Variants in PDZD8 observed in about 807,000 individuals in gnomAD.
PDZD8 encodes the protein PDZ domain-containing protein 8.
PDZD8 carries 14 observed loss-of-function variants against 85.8 expected under a neutral mutation model. The ratio of observed to expected loss-of-function variants is 0.16; its 90% CI spans 0.11 to 0.26. The LOEUF (loss-of-function observed/expected upper bound fraction) is 0.26. Ranked by LOEUF, PDZD8 falls within the 10% of genes least tolerant of loss-of-function variation. The pLI is 1.00. For missense variants in PDZD8, 1,197 were observed against 1,424.3 expected (o/e 0.84, Z 2.57); for synonymous variants, 592 against 568.6 (o/e 1.04, Z -0.59).
At chr10:117,291,708 T>C (rs1321311601) in intron 3 of PDZD8, among the ~76,000 whole-genome samples, 1 of 151,878 alleles carries the variant, frequency 6.6e-6, no homozygotes, top group Non-Finnish European at 1.5e-5. Flanking sequence ...ACATTGTTAA[T>C]GAGATGTCCT....
At chr10:117,358,258 G>C (rs188538393) in intron 1 of PDZD8, among the ~76,000 whole-genome samples, 1 of 152,106 alleles carries the variant, frequency 6.6e-6, no homozygotes, top group Admixed American at 6.5e-5. Flanking sequence ...ATTTATAAGT[G>C]AAATATCACT....
chr10:117,355,390 T>C (rs1477764238), intron 1 of PDZD8, among the ~76,000 whole-genome samples: 1 of 152,210 alleles, frequency 6.6e-6, no homozygotes, highest in Non-Finnish European at 1.5e-5. Context: ...CCATACTATT[T>C]ATGTATCTGT....
rs71013659 is a variant in PDZD8, at chr10:117,325,404, C to CTTTTTTTTTTTTTTTT, written c.996-6446_996-6431dup. 2.0e-4 allele frequency among the ~76,000 whole-genome samples: 20 copies of CTTTTTTTTTTTTTTTT among 99,842 alleles called. 3 individuals are homozygous for CTTTTTTTTTTTTTTTT. The highest frequency in any genetic ancestry group is 2.8e-4 in the East Asian group (1 of 3,552). 65.5% of individuals were successfully genotyped at this position (99,842 alleles called of 152,430 possible). A position where few individuals can be genotyped will look rare whatever the true frequency, so the allele number is the denominator to read the frequency against. ...CTATCAAAAGTTCCAGAAAAGCCAA[C>CTTTTTTTTTTTTTTTT]TTTTTTTTTTTTTTTTGAGACAGAG... On this transcript the variant is annotated intron_variant, in intron 2 of 4. Transcript: ENST00000334464.
intron 3 of PDZD8, among the ~76,000 whole-genome samples, chr10:117,300,319 C>CATT (rs1254929498): frequency 4.6e-5 from 7 of 152,082 alleles, no homozygotes; most frequent in Non-Finnish European, 1.5e-5. Context: ...TAGAATTAGA[C>CATT]TAATAAGTAC....
At chr10:117,315,693 A>G (rs1346577824) in intron 3 of PDZD8, among the ~76,000 whole-genome samples, 1 of 151,850 alleles carries the variant, frequency 6.6e-6, no homozygotes, top group East Asian at 1.9e-4. Flanking sequence ...CTGGGAGGGT[A>G]AAACTTAGGA....
chr10:117,327,809 G>A (rs1844343723), intron 2 of PDZD8, among the ~76,000 whole-genome samples: 1 of 152,054 alleles, frequency 6.6e-6, no homozygotes, highest in African/African-American at 2.4e-5. Flanking sequence ...AATGGATATG[G>A]CTTTTATTAA....
chr10:117,375,162 C>G lies in PDZD8; in HGVS notation c.66G>C (p.Gln22His), dbSNP rs368514233. ...VLGSFLTLLA[Q>H]FFLLYRRQPE... is the part of the protein sequence containing the mutation. ...GCTGTCTGCGGTACAGCAGGAAGAA[C>G]TGGGCGAGGAGCGTGAGGAAGGAAC... Residue 22 changes from glutamine to histidine, a missense_variant, in exon 1 of 5, where the codon CAG becomes CAC. Physicochemically the swap from Gln to His is conservative, Grantham distance 24 (BLOSUM62 0). This residue lies in a region of PDZD8 where 172 missense variants were observed against 137.8 expected (regional missense o/e 1.25). Coordinates refer to ENST00000334464, the MANE Select transcript of PDZD8 (RefSeq NM_173791.5). The G allele has an allele frequency of 6.9e-6, 11 of 1,586,548 alleles. No homozygotes were observed. Among genetic ancestry groups the G allele is most frequent in the Non-Finnish European group, 9.4e-6 (11 of 1,173,008 alleles).
intron 2 of PDZD8, among the ~76,000 whole-genome samples, chr10:117,322,403 G>C (rs1018761521): frequency 2.0e-5 from 3 of 152,026 alleles, no homozygotes; most frequent in Admixed American, 2.0e-4. Context: ...TTCAAGCTTT[G>C]CTTTCTTTTG....
At chr10:117,358,752 T>C (rs1434548903) in intron 1 of PDZD8, among the ~76,000 whole-genome samples, 7 of 152,190 alleles carry the variant, frequency 4.6e-5, no homozygotes, top group Non-Finnish European at 2.9e-5. Flanking sequence ...AGCCCCAGTT[T>C]CTTCACCTAT....
rs763572714 is a variant in PDZD8 at position 117,284,893 on chromosome 10, C to T, written c.1840G>A (p.Val614Ile). ...ACCTTCTCTGGCTTTTCAACGAGAA[C>T]ATCTGGTTCTGCCTGATTTGGAGCA... ...ADAPNQAEPD[V>I]LVEKPEKVVP... The change falls in exon 5 of 5, where the codon GTT (valine) becomes ATT (isoleucine). Residue 614 changes from valine (V) to isoleucine (I), a missense_variant. Physicochemically the swap from Val to Ile is conservative, Grantham distance 29. This residue lies in a region of PDZD8 where 263 missense variants were observed against 261.9 expected (regional missense o/e 1.00). Coordinates refer to ENST00000334464, the MANE Select transcript of PDZD8 (RefSeq NM_173791.5). 1.3e-5 allele frequency: 21 copies of T among 1,614,044 alleles called. No individual in the cohort carries two copies. The highest frequency in any genetic ancestry group is 2.7e-5 in the African/African-American group (2 of 74,920).
chr10:117,301,711 A>G (rs1481646623), intron 3 of PDZD8, among the ~76,000 whole-genome samples: 1 of 152,212 alleles, frequency 6.6e-6, no homozygotes, highest in Non-Finnish European at 1.5e-5. Flanking sequence ...TTGAAGATCT[A>G]GGGCTAAATT....
intron 3 of PDZD8, among the ~76,000 whole-genome samples, chr10:117,311,790 A>G (rs937180597): frequency 1.3e-5 from 2 of 152,118 alleles, no homozygotes; most frequent in East Asian, 1.9e-4. Flanking sequence ...GATATGAGTA[A>G]CAGTTCTAAG....
At chr10:117,327,029 T>G (rs773761233) in intron 2 of PDZD8, among the ~76,000 whole-genome samples, 1 of 152,218 alleles carries the variant, frequency 6.6e-6, no homozygotes, top group African/African-American at 2.4e-5. Flanking sequence ...AGTAGTAGTC[T>G]CCCTATGCAC....
intron 3 of PDZD8, among the ~76,000 whole-genome samples, chr10:117,302,099 C>T (rs2133782270): frequency 6.6e-6 from 1 of 152,272 alleles, no homozygotes. Flanking sequence ...AAATACTGAG[C>T]TTCTGAAGGG....
chr10:117,284,784 T>C lies in PDZD8; in HGVS notation c.1949A>G (p.Gln650Arg). 2 of 1,614,228 alleles carry C rather than the reference T, an allele frequency of 1.2e-6. No homozygotes were observed. Among genetic ancestry groups the C allele is most frequent in the Non-Finnish European group, 1.7e-6 (2 of 1,180,030 alleles). ...GGCCACTTCTTGCTTTGCTAAAAAT[T>C]GCTTAGGTGCAGCTGCATCGTCTAT... ...DAIDDAAAPKQFLAKQEVAKD... is the reference protein window; with the variant it reads ...DAIDDAAAPKRFLAKQEVAKD... The change falls in exon 5 of 5, where the codon CAA becomes CGA. Residue 650 changes from glutamine (Q) to arginine (R), a missense_variant. This residue lies in a region of PDZD8 where 263 missense variants were observed against 261.9 expected (regional missense o/e 1.00). Coordinates refer to ENST00000334464, the MANE Select transcript of PDZD8 (RefSeq NM_173791.5).
rs756662160 is a variant in PDZD8 at position 117,341,025 on chromosome 10, G to C, written c.950C>G (p.Ala317Gly). 2.5e-6 allele frequency: 4 copies of C among 1,613,858 alleles called. No individual in the cohort carries two copies. In the South Asian group the frequency reaches 4.4e-5, roughly 18 times the overall value. ...DEEHIHIQQW[A>G]LTEGRLKVTL... Reference sequence around the variant, plus strand: ...AACTTTAAGACGGCCTTCAGTAAGTGCCCATTGTTGTATATGGATATGCTC... The same window carrying C: ...AACTTTAAGACGGCCTTCAGTAAGTCCCCATTGTTGTATATGGATATGCTC... The change falls in exon 2 of 5, where the codon GCA becomes GGA. Residue 317 changes from alanine (A) to glycine (G), a missense_variant. Physicochemically the swap from Ala to Gly is moderately conservative, Grantham distance 60 (BLOSUM62 0). Coordinates refer to ENST00000334464, the MANE Select transcript of PDZD8 (RefSeq NM_173791.5).
In PDZD8 at chr10:117,318,824, A is replaced by G. The variant is rs200510527; in HGVS notation, c.1098+48T>C. 2.1e-4 allele frequency: 291 copies of G among 1,359,402 alleles called. No homozygotes were observed. The African/African-American group carries it at 2.7e-3, about 13-fold the overall frequency. The allele number at this position is 1,359,402 out of a possible 1,614,324, so 84.2% of individuals were successfully genotyped here. A position where few individuals can be genotyped will look rare whatever the true frequency, so the allele number is the denominator to read the frequency against. ...CAGAAATAGTAATAAATGCATGCTT[A>G]TAAAATAGAACTTTATATAGATATA... On this transcript the variant is annotated intron_variant, in intron 3 of 4. Coordinates refer to ENST00000334464, the MANE Select transcript of PDZD8 (RefSeq NM_173791.5).
intron 3 of PDZD8, among the ~76,000 whole-genome samples, chr10:117,291,453 C>T (rs944167520): frequency 1.3e-5 from 2 of 150,954 alleles, no homozygotes; most frequent in East Asian, 4.0e-4. Flanking sequence ...GGCATGAACC[C>T]GGGAGGCAGA....
intron 1 of PDZD8, among the ~76,000 whole-genome samples, chr10:117,360,223 C>T (rs1844973186): frequency 6.6e-6 from 1 of 152,130 alleles, no homozygotes; most frequent in Non-Finnish European, 1.5e-5. Flanking sequence ...TAACTGATAG[C>T]CTATGCACCA....
Sources: allele counts gnomAD v4.1 joint callset (sites outside exome capture counted in the v4.1 genomes callset), GRCh38; gene constraint gnomAD v4.1.1; regional missense constraint gnomAD v4.1.1; transcripts MANE v1.5; gene names NCBI Gene and HGNC (gene_info 2026-07-23, HGNC 2026-07-21).